Variants in BCL2L14 observed in about 807,000 individuals in gnomAD.
BCL2L14 encodes apoptosis facilitator Bcl-2-like protein 14.
BCL2L14 carries 27 observed loss-of-function variants against 35.3 expected under a neutral mutation model. The observed-to-expected ratio is 0.76, with a 90% CI of 0.56 to 1.05. The LOEUF is 1.05. BCL2L14 is among the 50% of genes least tolerant of loss of function. The pLI is 0.00. For missense variants in BCL2L14, 377 were observed against 382.6 expected (o/e 0.99, Z 0.12); for synonymous variants, 139 against 145.9 (o/e 0.95, Z 0.34).
At chr12:12,094,427 T>G in intron 4 of BCL2L14, 1 of 1,227,696 alleles carries the variant, frequency 8.1e-7, no homozygotes, top group Non-Finnish European at 1.2e-6. Context: ...AAATGTCAAA[T>G]GAACTGACTG....
At chr12:12,061,812 T>C (rs1289122205) in intron 2 of BCL2L14, among the ~76,000 whole-genome samples, 2 of 152,164 alleles carry the variant, frequency 1.3e-5, no homozygotes, top group African/African-American at 2.4e-5. Context: ...ATCTGTTACC[T>C]ATCTCAGCAT....
intron 2 of BCL2L14, among the ~76,000 whole-genome samples, chr12:12,064,544 TG>T (rs952715542): frequency 2.8e-4 from 43 of 152,206 alleles, no homozygotes; most frequent in African/African-American, 9.9e-4. Flanking sequence ...GAACTATTAT[TG>T]TTAGGCCTCT....
At chr12:12,050,432 CAA>C (rs774928633) in intron 1 of BCL2L14, among the ~76,000 whole-genome samples, 95 of 70,102 alleles carry the variant, frequency 1.4e-3, no homozygotes, top group Admixed American at 3.1e-3. Flanking sequence ...GACACCATCT[CAA>C]AAAAAAAAAA....
intron 2 of BCL2L14, among the ~76,000 whole-genome samples, chr12:12,065,664 T>C (rs559240797): frequency 1.2e-4 from 18 of 151,836 alleles, no homozygotes; most frequent in African/African-American, 4.3e-4. Context: ...CTTAGTGAGG[T>C]TGGTTATGTA....
chr12:12,059,381 A>G (rs1948487782), intron 2 of BCL2L14, among the ~76,000 whole-genome samples: 1 of 151,354 alleles, frequency 6.6e-6, no homozygotes, highest in African/African-American at 2.4e-5. Flanking sequence ...GAGGAGAGGC[A>G]AGTACCCCAA....
At chr12:12,059,785 T>A (rs1430922290) in intron 2 of BCL2L14, among the ~76,000 whole-genome samples, 1 of 152,176 alleles carries the variant, frequency 6.6e-6, no homozygotes, top group Non-Finnish European at 1.5e-5. Flanking sequence ...TCTTCTGCAA[T>A]GCCGCTTGAC....
rs1390436743 is a variant in BCL2L14 at position 12,098,984 on chromosome 12, A to C, written c.980A>C (p.Asp327Ala). The change falls in exon 6 of 6, where the codon GAC becomes GCC. Residue 327 changes from aspartate to alanine, a missense_variant. Physicochemically the swap from Asp to Ala is moderately radical, Grantham distance 126. Coordinates refer to ENST00000308721, the MANE Select transcript of BCL2L14 (RefSeq NM_138723.2). ...KILGISHEEVD is the reference protein window; with the variant it reads ...KILGISHEEVA Reference sequence around the variant, plus strand: ...CTTGGGATATCACATGAAGAAGTAGACTGAAATATCAGATTTGTCATCAGG... The same window carrying C: ...CTTGGGATATCACATGAAGAAGTAGCCTGAAATATCAGATTTGTCATCAGG... 8.7e-6 allele frequency: 14 copies of C among 1,601,480 alleles called. No homozygotes were observed. The highest frequency in any genetic ancestry group is 1.2e-5 in the Non-Finnish European group (14 of 1,168,526).
chr12:12,053,184 GAGAT>G (rs953822304), intron 2 of BCL2L14, among the ~76,000 whole-genome samples: 3 of 152,184 alleles, frequency 2.0e-5, no homozygotes, highest in Non-Finnish European at 2.9e-5. Context: ...ACAGCCCTGT[GAGAT>G]AGATAGAATT....
At position 12,090,760 on chromosome 12, in the gene BCL2L14, C is replaced by G; in HGVS notation, c.608-19C>G. On this transcript the variant is annotated intron_variant, in intron 3 of 5. Coordinates refer to ENST00000308721, the MANE Select transcript of BCL2L14 (RefSeq NM_138723.2). ...TTTTTGCTTCTCTTAAAAGAAATAA[C>G]TGGAATTTTCCCCGACAGATGAAGA... 1 of 1,601,906 alleles carries G rather than the reference C, an allele frequency of 6.2e-7. No individual in the cohort carries two copies. Among genetic ancestry groups the G allele is most frequent in the Non-Finnish European group, 8.5e-7 (1 of 1,173,132 alleles).
At chr12:12,076,311 CT>C (rs1948780480) in intron 1 of BCL2L14, among the ~76,000 whole-genome samples, 1 of 152,180 alleles carries the variant, frequency 6.6e-6, no homozygotes, top group East Asian at 1.9e-4. Flanking sequence ...ACTGACGTGA[CT>C]CCTTACAGAG....
upstream of BCL2L14, among the ~76,000 whole-genome samples, chr12:12,070,075 G>GTAAC (rs1181053400): frequency 1.3e-5 from 2 of 152,200 alleles, no homozygotes; most frequent in African/African-American, 4.8e-5. Context: ...AAAATCAGAT[G>GTAAC]TAACTGTTTC....
intron 2 of BCL2L14, among the ~76,000 whole-genome samples, chr12:12,063,275 G>A (rs1948552252): frequency 6.9e-6 from 1 of 145,472 alleles, no homozygotes; most frequent in Non-Finnish European, 1.5e-5. Context: ...CTTAACTCTT[G>A]AAGTAAATAA....
At chr12:12,073,990 G>A (rs1948726536) in intron 1 of BCL2L14, among the ~76,000 whole-genome samples, 1 of 152,072 alleles carries the variant, frequency 6.6e-6, no homozygotes, top group South Asian at 2.1e-4. Flanking sequence ...CCCTCCTAGG[G>A]TGGCCAGAGT....
intron 2 of BCL2L14, among the ~76,000 whole-genome samples, chr12:12,060,833 C>A (rs1948512629): frequency 7.7e-6 from 1 of 130,582 alleles, no homozygotes; most frequent in Non-Finnish European, 1.6e-5. Flanking sequence ...CTGACTGACT[C>A]CTTCTCAGCT....
At chr12:12,091,798 G>A (rs1949195202) in intron 4 of BCL2L14, among the ~76,000 whole-genome samples, 1 of 152,114 alleles carries the variant, frequency 6.6e-6, no homozygotes, top group African/African-American at 2.4e-5. Context: ...GGTGGAGAGG[G>A]GTGCAGAGGA....
chr12:12,090,985 C>A, intron 4 of BCL2L14, 136 bp downstream of exon 4: 1 of 508,150 alleles, frequency 2.0e-6, no homozygotes, highest in Non-Finnish European at 3.2e-6. Context: ...TTTTATTTCC[C>A]TTGGAGTCAA....
At chr12:12,062,633 C>A (rs374138435) in intron 2 of BCL2L14, among the ~76,000 whole-genome samples, 9 of 151,812 alleles carry the variant, frequency 5.9e-5, no homozygotes, top group African/African-American at 7.3e-5. Flanking sequence ...TGCCCTGAGT[C>A]AGATAACTAA....
At chr12:12,065,682 C>T (rs1014784484) in intron 2 of BCL2L14, among the ~76,000 whole-genome samples, 1 of 152,126 alleles carries the variant, frequency 6.6e-6, no homozygotes, top group Admixed American at 6.5e-5. Flanking sequence ...GTAGGTTCCT[C>T]CAGCGCCATC....
intron 2 of BCL2L14, among the ~76,000 whole-genome samples, chr12:12,053,784 G>A (rs1348671206): frequency 6.6e-6 from 1 of 152,128 alleles, no homozygotes; most frequent in Non-Finnish European, 1.5e-5. Context: ...GGAAGCCACT[G>A]CATACTGATG....
Sources: allele counts gnomAD v4.1 joint callset (sites outside exome capture counted in the v4.1 genomes callset), GRCh38; gene constraint gnomAD v4.1.1; transcripts MANE v1.5; gene names NCBI Gene and HGNC (gene_info 2026-07-23, HGNC 2026-07-21).